Variants in LRRC4C observed in about 807,000 individuals in gnomAD.
LRRC4C encodes the protein leucine-rich repeat-containing protein 4C.
Under a neutral mutation model 33.6 loss-of-function variants are expected in LRRC4C, and 5 were observed. The ratio of observed to expected loss-of-function variants is 0.15; its 90% CI spans 0.08 to 0.31. The LOEUF is 0.31. Among genes scored for constraint, LRRC4C ranks in the 10% least tolerant of loss-of-function variants. LRRC4C has a pLI of 1.00. For missense variants in LRRC4C, 560 were observed against 796.7 expected (o/e 0.70, Z 3.58); for synonymous variants, 329 against 302.0 (o/e 1.09, Z -0.93).
At chr11:40,466,372 A>G (rs1952652426) in intron 3 of LRRC4C, among the ~76,000 whole-genome samples, 1 of 152,006 alleles carries the variant, frequency 6.6e-6, no homozygotes, top group Non-Finnish European at 1.5e-5. Flanking sequence ...ATGATGCAAT[A>G]TATCAATGTA....
chr11:40,959,600 CTA>C (rs758356051), intron 1 of LRRC4C, among the ~76,000 whole-genome samples: 8 of 151,688 alleles, frequency 5.3e-5, no homozygotes, highest in Non-Finnish European at 7.4e-5. Flanking sequence ...CCTGCTATTT[CTA>C]TGTTTATATT....
At chr11:41,340,107 T>G (rs1424162099) in intron 1 of LRRC4C, among the ~76,000 whole-genome samples, 1 of 152,208 alleles carries the variant, frequency 6.6e-6, no homozygotes, top group East Asian at 1.9e-4. Flanking sequence ...TTAATTCTCG[T>G]ATTAATCCTA....
intron 2 of LRRC4C, among the ~76,000 whole-genome samples, chr11:40,852,816 A>G (rs2135757256): frequency 6.6e-6 from 1 of 152,330 alleles, no homozygotes; most frequent in Admixed American, 6.5e-5. Flanking sequence ...GTCAAAATGG[A>G]AATTTTCTAG....
intron 1 of LRRC4C, among the ~76,000 whole-genome samples, chr11:40,963,958 T>G (rs955835829): frequency 6.6e-6 from 1 of 151,776 alleles, no homozygotes; most frequent in Non-Finnish European, 1.5e-5. Flanking sequence ...GAGAAACATT[T>G]GGTTTAAACC....
At chr11:40,868,522 T>G (rs1954480122) in intron 2 of LRRC4C, among the ~76,000 whole-genome samples, 1 of 152,094 alleles carries the variant, frequency 6.6e-6, no homozygotes, top group Non-Finnish European at 1.5e-5. Context: ...TTTGGAAGAT[T>G]TATCTCTAAA....
chr11:40,886,683 CAGAAACTTCTAAAAGTT>C (rs1310729062), intron 2 of LRRC4C, among the ~76,000 whole-genome samples: 1 of 151,600 alleles, frequency 6.6e-6, no homozygotes, highest in Non-Finnish European at 1.5e-5. Flanking sequence ...TCTTTAAATA[CAGAAACTTCTAAAAGTT>C]AGAAAAAAAG....
intron 3 of LRRC4C, among the ~76,000 whole-genome samples, chr11:40,544,386 G>A (rs529765047): frequency 6.6e-6 from 1 of 152,140 alleles, no homozygotes; most frequent in South Asian, 2.1e-4. Flanking sequence ...CTGGCCCACT[G>A]TTCTTTACCT....
intron 2 of LRRC4C, among the ~76,000 whole-genome samples, chr11:40,916,536 G>A (rs544422015): frequency 5.3e-4 from 80 of 151,992 alleles, no homozygotes; most frequent in Non-Finnish European, 8.8e-4. Flanking sequence ...ATCACACAGC[G>A]GGGCCTGTTG....
At chr11:40,588,785 T>C (rs957046793) in intron 3 of LRRC4C, among the ~76,000 whole-genome samples, 3 of 152,206 alleles carry the variant, frequency 2.0e-5, no homozygotes, top group African/African-American at 4.8e-5. Context: ...AGTTGAGCAG[T>C]TTTGAGTGAG....
chr11:40,456,726 G>T (rs192780449), intron 3 of LRRC4C, among the ~76,000 whole-genome samples: 1 of 151,934 alleles, frequency 6.6e-6, no homozygotes, highest in Non-Finnish European at 1.5e-5. Context: ...GTTAAAGAAA[G>T]CTTGGTATTG....
intron 2 of LRRC4C, among the ~76,000 whole-genome samples, chr11:40,754,107 T>G (rs1000607700): frequency 1.3e-5 from 2 of 152,052 alleles, no homozygotes; most frequent in Non-Finnish European, 2.9e-5. Context: ...CACATAATCA[T>G]TTAATTTGTA....
chr11:40,590,717 G>T (rs1399198842), intron 3 of LRRC4C, among the ~76,000 whole-genome samples: 1 of 151,410 alleles, frequency 6.6e-6, no homozygotes, highest in Non-Finnish European at 1.5e-5. Flanking sequence ...TCAGCTGCAG[G>T]TCTGTTGGAG....
chr11:41,049,021 T>C (rs895508682), intron 1 of LRRC4C, among the ~76,000 whole-genome samples: 2 of 152,176 alleles, frequency 1.3e-5, no homozygotes, highest in Non-Finnish European at 2.9e-5. Flanking sequence ...TATGTAGAGC[T>C]TGGTAGGCCA....
At chr11:40,954,551 T>C (rs1958868980) in intron 1 of LRRC4C, among the ~76,000 whole-genome samples, 1 of 151,872 alleles carries the variant, frequency 6.6e-6, no homozygotes, top group Non-Finnish European at 1.5e-5. Flanking sequence ...TATAAGAATG[T>C]TAATAGCATA....
chr11:40,336,465 T>A (rs1946607433), intron 3 of LRRC4C, among the ~76,000 whole-genome samples: 1 of 152,152 alleles, frequency 6.6e-6, no homozygotes. Context: ...TCTTTATTCC[T>A]GAATGACTGT....
intron 2 of LRRC4C, among the ~76,000 whole-genome samples, chr11:40,788,474 G>A (rs1950499914): frequency 6.6e-6 from 1 of 152,086 alleles, no homozygotes; most frequent in Non-Finnish European, 1.5e-5. Context: ...CAATAAAACT[G>A]CCATCACAGT....
At chr11:40,564,285 G>T (rs1364240570) in intron 3 of LRRC4C, among the ~76,000 whole-genome samples, 1 of 152,110 alleles carries the variant, frequency 6.6e-6, no homozygotes, top group Non-Finnish European at 1.5e-5. Flanking sequence ...GATTTTCCTT[G>T]TAAGACAAAA....
At chr11:40,278,941 T>G (rs1943293966) in intron 4 of LRRC4C, among the ~76,000 whole-genome samples, 1 of 152,184 alleles carries the variant, frequency 6.6e-6, no homozygotes, top group African/African-American at 2.4e-5. Context: ...TCTAATCAGC[T>G]GTGATCTCAG....
intron 3 of LRRC4C, among the ~76,000 whole-genome samples, chr11:40,389,691 A>C (rs1949263730): frequency 6.6e-6 from 1 of 152,148 alleles, no homozygotes; most frequent in East Asian, 1.9e-4. Context: ...ATTGACTTCC[A>C]AGGACTACAG....
Sources: gnomAD v4.1 joint callset for allele counts (sites outside exome capture counted in the v4.1 genomes callset) on GRCh38, gnomAD v4.1.1 for gene constraint, MANE v1.5 for transcripts, NCBI Gene and HGNC (gene_info 2026-07-23, HGNC 2026-07-21) for gene names.